USP4: variants seen among roughly 807,000 people sequenced by gnomAD.
The protein encoded by USP4 is ubiquitin specific peptidase 4.
In USP4, 72 loss-of-function variants were observed where a neutral mutation model predicts 118.2. That is an observed-to-expected ratio of 0.61 (90% CI 0.50 to 0.74). The LOEUF is 0.74. Among genes scored for constraint, USP4 ranks in the 30% least tolerant of loss-of-function variants. USP4 has a pLI of 0.00. For synonymous variants in USP4, 415 were observed against 440.4 expected, an observed-to-expected ratio of 0.94 and a Z score of 0.72; for missense variants, 1,037 against 1,185.7, an observed-to-expected ratio of 0.87 and a Z score of 1.84.
At position 49,309,943 on chromosome 3, in the gene USP4, C is replaced by CTTTTTTTTTTTTTTTTTTTTTTTT. The variant is rs773669515; in HGVS notation, c.954+676_954+677insAAAAAAAAAAAAAAAAAAAAAAAA. Among the ~76,000 whole-genome samples, 16 of 40,236 alleles carry CTTTTTTTTTTTTTTTTTTTTTTTT rather than the reference C, an allele frequency of 4.0e-4. 6 individuals are homozygous for CTTTTTTTTTTTTTTTTTTTTTTTT. The highest frequency in any genetic ancestry group is 9.1e-4 in the Admixed American group (2 of 2,194). 26.4% of individuals were successfully genotyped at this position (40,236 alleles called of 152,430 possible). ...TGCTGCCCCCGGACTTTTTTTTAAT[C>CTTTTTTTTTTTTTTTTTTTTTTTT]TTTTTTTTTTTTTTTTTTTTTTTGA... is the stretch of plus-strand genomic sequence containing the variant. On this transcript the variant is annotated intron_variant, in intron 8 of 21. Transcript: ENST00000265560.
chr3:49,323,062 G>A (rs539455900), intron 6 of USP4, among the ~76,000 whole-genome samples: 88 of 151,010 alleles, frequency 5.8e-4, no homozygotes, highest in Admixed American at 3.2e-3. Context: ...CCGCCTCCCG[G>A]GTTCAAGCGA....
At chr3:49,298,897 G>C (rs982444736) in intron 11 of USP4, among the ~76,000 whole-genome samples, 5 of 152,132 alleles carry the variant, frequency 3.3e-5, no homozygotes, top group African/African-American at 1.2e-4. Context: ...ATTCTTTAGA[G>C]TACTTTCTGA....
intron 6 of USP4, 61 bp downstream of exon 6, chr3:49,324,641 T>C (rs1446568561): frequency 1.0e-5 from 15 of 1,485,884 alleles, no homozygotes; most frequent in Non-Finnish European, 1.3e-5. Flanking sequence ...AGTACTGCCT[T>C]AGGAAAGACT....
At chr3:49,329,613 C>T (rs2047592235) in intron 2 of USP4, among the ~76,000 whole-genome samples, 1 of 152,108 alleles carries the variant, frequency 6.6e-6, no homozygotes, top group Non-Finnish European at 1.5e-5. Flanking sequence ...GTTGCCCACC[C>T]TAGTCTCCAA....
intron 10 of USP4, among the ~76,000 whole-genome samples, 159 bp from the exon 11 acceptor site, chr3:49,300,850 T>C (rs752378207): frequency 3.3e-5 from 5 of 152,106 alleles, no homozygotes; most frequent in South Asian, 2.1e-4. Context: ...TCTTAGTGTA[T>C]CATACTCATA....
chr3:49,318,308 C>A, intron 6 of USP4: 2 of 985,402 alleles, frequency 2.0e-6, no homozygotes, highest in Non-Finnish European at 2.4e-6. Flanking sequence ...TGCTGCCTTA[C>A]CAAAAGTCAA....
At chr3:49,335,684 C>T (rs2047661780) in intron 1 of USP4, 88 bp from the exon 2 acceptor site, 1 of 1,503,488 alleles carries the variant, frequency 6.7e-7, no homozygotes, top group South Asian at 1.1e-5. Flanking sequence ...ATGGTCCTTC[C>T]ACTTGGGGCA....
chr3:49,306,555 G>A (rs531403499), intron 8 of USP4, among the ~76,000 whole-genome samples: 1 of 151,608 alleles, frequency 6.6e-6, no homozygotes, highest in Admixed American at 6.6e-5. Context: ...ACTTCCTTTG[G>A]GTTCTTTTTC....
intron 15 of USP4, among the ~76,000 whole-genome samples, chr3:49,287,606 G>T (rs988236163): frequency 6.6e-5 from 10 of 152,088 alleles, no homozygotes; most frequent in Admixed American, 3.3e-4. Context: ...CTGAATAGCT[G>T]TGATTACAGG....
chr3:49,277,195 A>T lies in USP4; in HGVS notation c.*1098T>A. The stretch of plus-strand genomic sequence containing the variant: ...ACGTCCTTGTCCTCACCCGCAGCGC[A>T]GTGACGCCGACCCATCCAACGGTCA... On this transcript the variant is annotated 3_prime_UTR_variant, in exon 22 of 22. Coordinates refer to ENST00000265560, the MANE Select transcript of USP4 (RefSeq NM_003363.4). 1 of 1,354,952 alleles carries T rather than the reference A, an allele frequency of 7.4e-7. No homozygotes were observed. Among genetic ancestry groups the T allele is most frequent in the East Asian group, 4.1e-5 (1 of 24,104 alleles). The allele number at this position is 1,354,952 out of a possible 1,614,324, so 83.9% of individuals were successfully genotyped here. A position where few individuals can be genotyped will look rare whatever the true frequency, so the allele number is the denominator to read the frequency against.
At chr3:49,325,910 T>A in intron 3 of USP4, 65 bp from the exon 4 acceptor site, 3 of 1,579,898 alleles carry the variant, frequency 1.9e-6, no homozygotes, top group Admixed American at 1.7e-5. Flanking sequence ...GGATGTAGCA[T>A]ATCTTATCAG....
At chr3:49,289,728 G>T (rs191615198) in intron 15 of USP4, among the ~76,000 whole-genome samples, 1 of 151,728 alleles carries the variant, frequency 6.6e-6, no homozygotes, top group Non-Finnish European at 1.5e-5. Context: ...AAAATTAGCC[G>T]GGCATGGTGG....
In USP4 at chr3:49,278,809, C is replaced by T; in HGVS notation, c.2733+5G>A. ...AGGAAGAACCACATATCATGGCCTA[C>T]TCACCACTATCTGATCCTCAGAGGC... On this transcript the variant is annotated splice_donor_5th_base_variant and intron_variant, in intron 21 of 21. Transcript: ENST00000265560. 1.3e-6 allele frequency: 2 copies of T among 1,596,842 alleles called. No homozygotes were observed. Among genetic ancestry groups the T allele is most frequent in the Non-Finnish European group, 8.6e-7 (1 of 1,168,852 alleles).
At chr3:49,338,044 CAAAAAAAAAAAAA>C (rs57186354) in intron 1 of USP4, among the ~76,000 whole-genome samples, 10 of 52,028 alleles carry the variant, frequency 1.9e-4, no homozygotes, top group Admixed American at 1.4e-3. Context: ...GACTTCGTCT[CAAAAAAAAAAAAA>C]AAAAAAAAAA....
chr3:49,335,379 G>A, intron 2 of USP4, 90 bp downstream of exon 2: 3 of 1,564,864 alleles, frequency 1.9e-6, no homozygotes, highest in Non-Finnish European at 2.6e-6. Context: ...CTCACACTAG[G>A]AAAGTTCACA....
At position 49,305,880 on chromosome 3, in the gene USP4, G is replaced by A. The variant is rs771420732; in HGVS notation, c.963C>T (p.Ser321=). The A allele has an allele frequency of 2.5e-6, 4 of 1,612,430 alleles. No individual in the cohort carries two copies. Among genetic ancestry groups the A allele is most frequent in the South Asian group, 1.1e-5 (1 of 90,788 alleles). ...CFMNSALQCL[S]NTAPLTDYFL... ...AGTAGTCAGTCAGTGGTGCAGTGTT[G>A]CTCAAACACTGAAACAGAACATGAT... Residue 321 remains serine (S), a synonymous_variant, in exon 9 of 22, where the codon AGC becomes AGT. Transcript: ENST00000265560.
chr3:49,298,748 G>C, intron 11 of USP4, 113 bp from the exon 12 acceptor site: 1 of 908,276 alleles, frequency 1.1e-6, no homozygotes, highest in Non-Finnish European at 1.8e-6. Context: ...ACAATGTATG[G>C]TGAGGTCAGG....
intron 8 of USP4, 118 bp downstream of exon 8, chr3:49,310,502 A>G (rs906416178): frequency 1.2e-6 from 1 of 835,270 alleles, no homozygotes; most frequent in African/African-American, 1.7e-5. Context: ...AGACTACTGA[A>G]GCACCAACAA....
intron 15 of USP4, among the ~76,000 whole-genome samples, chr3:49,291,588 A>G (rs1247074337): frequency 6.6e-6 from 1 of 151,128 alleles, no homozygotes; most frequent in Non-Finnish European, 1.5e-5. Context: ...AAAAAAAAAA[A>G]AAGAAAGAAA....
Sources: allele counts gnomAD v4.1 joint callset (sites outside exome capture counted in the v4.1 genomes callset), GRCh38; gene constraint gnomAD v4.1.1; transcripts MANE v1.5; gene names NCBI Gene and HGNC (gene_info 2026-07-23, HGNC 2026-07-21).